AQR: variants seen among roughly 807,000 people sequenced by gnomAD.
AQR encodes RNA helicase aquarius.
Under a neutral mutation model 180.5 loss-of-function variants are expected in AQR, and 61 were observed. That is an observed-to-expected ratio of 0.34 (90% CI 0.28 to 0.42). The LOEUF is 0.42. Among genes scored for constraint, AQR ranks in the 10% least tolerant of loss-of-function variants. AQR has a pLI of 1.00. For synonymous variants in AQR, 551 were observed against 588.8 expected, an observed-to-expected ratio of 0.94 and a Z score of 0.93; for missense variants, 1,281 against 1,798.3, an observed-to-expected ratio of 0.71 and a Z score of 5.20.
intron 2 of AQR, 63 bp downstream of exon 2, chr15:34,964,171 T>C: frequency 8.9e-7 from 1 of 1,128,000 alleles, no homozygotes; most frequent in Non-Finnish European, 1.3e-6. Context: ...AAGCTTTTGT[T>C]GAAATAACCC....
intron 1 of AQR, among the ~76,000 whole-genome samples, chr15:34,966,527 G>A (rs996405899): frequency 6.6e-6 from 1 of 152,056 alleles, no homozygotes; most frequent in Non-Finnish European, 1.5e-5. Flanking sequence ...CCCCAATCTG[G>A]CATTTCTCAC....
At chr15:34,874,023 C>A in intron 29 of AQR, 24 bp from the exon 30 acceptor site, 1 of 1,574,156 alleles carries the variant, frequency 6.4e-7, no homozygotes, top group Non-Finnish European at 8.6e-7. Flanking sequence ...AATTCCCCCA[C>A]AAACAGAAAA....
rs1357804618 is a variant in AQR, at chr15:34,854,114, T to C, written c.*2678A>G. 6.7e-6 allele frequency: 1 copy of C among 148,808 alleles called. No homozygotes were observed. The highest frequency in any genetic ancestry group is 2.0e-4 in the East Asian group (1 of 5,048). 9.2% of individuals were successfully genotyped at this position (148,808 alleles called of 1,614,324 possible). On this transcript the variant is annotated 3_prime_UTR_variant, in exon 35 of 35. Coordinates refer to ENST00000156471, the MANE Select transcript of AQR (RefSeq NM_014691.3). ...TTGCCTAAATCAATAGAGCTATTTA[T>C]CCTCAACTGTTGGCAATGAACTTTC... is the stretch of plus-strand genomic sequence containing the variant.
At chr15:34,913,747 C>A (rs1893534700) in intron 16 of AQR, among the ~76,000 whole-genome samples, 1 of 152,130 alleles carries the variant, frequency 6.6e-6, no homozygotes, top group Admixed American at 6.5e-5. Flanking sequence ...TCAAGGTAAC[C>A]ATAAATTGTA....
rs1481589953 is a variant in AQR at position 34,910,329 on chromosome 15, T to C, written c.1485-16A>G. 5 of 1,607,840 alleles carry C rather than the reference T, an allele frequency of 3.1e-6. No individual in the cohort carries two copies. The highest frequency in any genetic ancestry group is 4.3e-6 in the Non-Finnish European group (5 of 1,175,204). ...TTCAGATTGCCTGAAACCAAAGAAA[T>C]GGATGATTACTCAAACAAAAAATAA... On this transcript the variant is annotated splice_polypyrimidine_tract_variant and intron_variant, in intron 16 of 34. Transcript: ENST00000156471.
At chr15:34,900,504 A>G (rs1893315606) in intron 20 of AQR, 118 bp downstream of exon 20, 1 of 1,217,482 alleles carries the variant, frequency 8.2e-7, no homozygotes, top group South Asian at 1.6e-5. Flanking sequence ...GAAGGTAGGG[A>G]CTGCTAAAAC....
At chr15:34,928,340 C>T (rs1893796056) in intron 12 of AQR, among the ~76,000 whole-genome samples, 1 of 152,104 alleles carries the variant, frequency 6.6e-6, no homozygotes, top group Non-Finnish European at 1.5e-5. Flanking sequence ...TCTAAATTCC[C>T]TCCCCTCAAC....
At chr15:34,879,806 C>T (rs1004830068) in intron 27 of AQR, among the ~76,000 whole-genome samples, 6 of 152,106 alleles carry the variant, frequency 3.9e-5, no homozygotes, top group Non-Finnish European at 1.5e-5. Context: ...GATCTTGGAA[C>T]TTGGAGAAAG....
chr15:34,949,959 C>T (rs1463090451), intron 4 of AQR, among the ~76,000 whole-genome samples: 5 of 127,392 alleles, frequency 3.9e-5, no homozygotes, highest in Non-Finnish European at 8.9e-5. Context: ...GAGTGAGACC[C>T]CATCTCCAAA....
chr15:34,960,645 G>C, intron 3 of AQR, 129 bp downstream of exon 3: 1 of 491,022 alleles, frequency 2.0e-6, no homozygotes, highest in Non-Finnish European at 3.6e-6. Flanking sequence ...AGTTTTTCTA[G>C]TCACCATTGC....
chr15:34,917,044 A>G (rs1401144325), intron 15 of AQR, among the ~76,000 whole-genome samples: 2 of 152,176 alleles, frequency 1.3e-5, no homozygotes, highest in Non-Finnish European at 2.9e-5. Flanking sequence ...CCTTTACCCG[A>G]AAGTAACTAT....
intron 5 of AQR, among the ~76,000 whole-genome samples, chr15:34,945,347 A>G (rs1279039637): frequency 6.6e-6 from 1 of 152,182 alleles, no homozygotes; most frequent in South Asian, 2.1e-4. Context: ...GCACCATCAT[A>G]TATTATATTC....
chr15:34,863,002 T>C lies in AQR; in HGVS notation c.3894A>G (p.Arg1298=). The change falls in exon 33 of 35, where the codon AGA becomes AGG. Residue 1298 remains arginine, a synonymous_variant. Transcript: ENST00000156471. Reference sequence around the variant, plus strand: ...CTCTGGCGAAGATATAAAGTCCAAGTCTGGCTCTAGACATGGCCACTACCA... The same window carrying C: ...CTCTGGCGAAGATATAAAGTCCAAGCCTGGCTCTAGACATGGCCACTACCA... ...RRLVVAMSRA[R]LGLYIFARVS... The C allele has an allele frequency of 6.2e-7, 1 of 1,613,776 alleles. No individual in the cohort carries two copies. Among genetic ancestry groups the C allele is most frequent in the Non-Finnish European group, 8.5e-7 (1 of 1,179,814 alleles).
At position 34,920,411 on chromosome 15, in the gene AQR, G is replaced by T. The variant is rs1330282169; in HGVS notation, c.1142C>A (p.Ala381Glu). The stretch of plus-strand genomic sequence containing the variant: ...AGTTGGCAACAAGCAGAGGTATGAT[G>T]CCACCTGGTGGAGTGTGTTTGAACT... ...PLSSNTLHQV[A>E]SYLCLLPTLP... The change falls in exon 14 of 35, where the codon GCA becomes GAA. Residue 381 changes from alanine to glutamate, a missense_variant. Ala to Glu is a moderately radical substitution (Grantham distance 107, BLOSUM62 -1). Coordinates refer to ENST00000156471, the MANE Select transcript of AQR (RefSeq NM_014691.3). The T allele has an allele frequency of 5.0e-6, 8 of 1,613,370 alleles. No homozygotes were observed. Among genetic ancestry groups the T allele is most frequent in the Non-Finnish European group, 6.8e-6 (8 of 1,179,614 alleles).
At position 34,964,304 on chromosome 15, in the gene AQR, A is replaced by G; in HGVS notation, c.76-14T>C. Reference sequence around the variant, plus strand: ...TTTACATGCTAACTGCAAAGTAAACAGTATAAACAGTAAGTCCCAGATTCT... The same window carrying G: ...TTTACATGCTAACTGCAAAGTAAACGGTATAAACAGTAAGTCCCAGATTCT... On this transcript the variant is annotated splice_polypyrimidine_tract_variant and intron_variant, in intron 1 of 34. Coordinates refer to ENST00000156471, the MANE Select transcript of AQR (RefSeq NM_014691.3). 1.3e-6 allele frequency: 2 copies of G among 1,584,920 alleles called. No individual in the cohort carries two copies. Among genetic ancestry groups the G allele is most frequent in the Non-Finnish European group, 1.7e-6 (2 of 1,155,940 alleles).
intron 24 of AQR, among the ~76,000 whole-genome samples, chr15:34,886,999 C>T (rs925945834): frequency 1.3e-5 from 2 of 151,928 alleles, no homozygotes; most frequent in Admixed American, 1.3e-4. Flanking sequence ...GTGGCGGGCA[C>T]CTGTAGTCCC....
intron 33 of AQR, among the ~76,000 whole-genome samples, chr15:34,861,116 A>G (rs1017520246): frequency 6.6e-6 from 1 of 152,256 alleles, no homozygotes; most frequent in African/African-American, 2.4e-5. Context: ...GGTAAAAAAC[A>G]TACCCCAAAA....
chr15:34,933,866 A>G (rs115427842), intron 10 of AQR, among the ~76,000 whole-genome samples: 2,587 of 152,250 alleles, frequency 0.017, 75 homozygotes, highest in African/African-American at 0.057. Context: ...AATCCCAAGC[A>G]ATCCTCCTAC....
In AQR at chr15:34,932,961, A is replaced by G. The variant is rs528562680; in HGVS notation, c.784-527T>C. On this transcript the variant is annotated intron_variant, in intron 10 of 34. Coordinates refer to ENST00000156471, the MANE Select transcript of AQR (RefSeq NM_014691.3). ...ACAGAGCAAGACTGTCTCAGAAAAA[A>G]AAAGAAAGAAAGAAAATCTAGCACT... Among the ~76,000 whole-genome samples the G allele has an allele frequency of 1.4e-4, 21 of 152,332 alleles. No individual in the cohort carries two copies. The South Asian group carries it at 4.4e-3, about 32-fold the overall frequency.
Sources: allele counts gnomAD v4.1 joint callset (sites outside exome capture counted in the v4.1 genomes callset), GRCh38; gene constraint gnomAD v4.1.1; transcripts MANE v1.5; gene names NCBI Gene and HGNC (gene_info 2026-07-23, HGNC 2026-07-21).